TMEM200A: variants seen among roughly 807,000 people sequenced by gnomAD.
The protein encoded by TMEM200A is two transmembrane C.
TMEM200A carries 12 observed loss-of-function variants against 24.3 expected under a neutral mutation model. That is an observed-to-expected ratio of 0.49 (90% confidence interval 0.32 to 0.80). TMEM200A has a LOEUF of 0.80. TMEM200A is among the 30% of genes least tolerant of loss of function. The pLI is 0.04. For missense variants in TMEM200A, 545 were observed against 614.4 expected, an observed-to-expected ratio of 0.89 and a Z score of 1.19; for synonymous variants, 224 against 224.4, an observed-to-expected ratio of 1.00 and a Z score of 0.02.
intron 2 of TMEM200A, among the ~76,000 whole-genome samples, chr6:130,414,031 A>G (rs1177080190): frequency 6.6e-6 from 1 of 152,210 alleles, no homozygotes; most frequent in African/African-American, 2.4e-5. Flanking sequence ...CTCTTTGGCA[A>G]TATGGAATAA....
chr6:130,421,371 C>T (rs1779582195), intron 2 of TMEM200A: 1 of 152,066 alleles, frequency 6.6e-6, no homozygotes, highest in Non-Finnish European at 1.5e-5. Flanking sequence ...ACTGGTTTTA[C>T]TTAGATTTTT....
intron 2 of TMEM200A, chr6:130,438,652 G>A (rs1266851171): frequency 6.6e-6 from 1 of 152,152 alleles, no homozygotes; most frequent in Non-Finnish European, 1.5e-5. Context: ...AAGAGAATTT[G>A]TCCCTCATTC....
rs936130515 is a variant in TMEM200A, at chr6:130,366,287, C to T, written c.-318C>T. ...CGCCCCCACCCTCCGTCCGCTTGCA[C>T]CCCTTGCCACCCGCCCCCTCGCCTG... On this transcript the variant is annotated 5_prime_UTR_variant, in exon 1 of 3. Transcript: ENST00000296978. The surrounding 1 kb of genome is among the most constrained non-coding windows in gnomAD (Gnocchi z 4.4). The T allele has an allele frequency of 5.1e-5, 50 of 985,134 alleles. 1 individual carries two copies. The highest frequency in any genetic ancestry group is 2.8e-4 in the South Asian group (6 of 21,280). The allele number at this position is 985,134 out of a possible 1,614,324, so 61.0% of individuals were successfully genotyped here.
At chr6:130,376,163 A>T (rs1210524624) in intron 1 of TMEM200A, among the ~76,000 whole-genome samples, 1 of 152,170 alleles carries the variant, frequency 6.6e-6, no homozygotes, top group Non-Finnish European at 1.5e-5. Flanking sequence ...TGCGGAATTA[A>T]CCATGTGGAA....
intron 1 of TMEM200A, among the ~76,000 whole-genome samples, chr6:130,373,642 T>C (rs1404711711): frequency 2.0e-5 from 3 of 152,256 alleles, no homozygotes; most frequent in African/African-American, 7.2e-5. Flanking sequence ...GATGAATCTT[T>C]CTTCAAATTT....
chr6:130,384,785 A>G (rs1201566859), intron 1 of TMEM200A, among the ~76,000 whole-genome samples: 1 of 152,252 alleles, frequency 6.6e-6, no homozygotes, highest in African/African-American at 2.4e-5. Flanking sequence ...AAATCACATT[A>G]CAATGAACTG....
At chr6:130,382,262 G>A (rs1363875083) in intron 1 of TMEM200A, among the ~76,000 whole-genome samples, 1 of 152,160 alleles carries the variant, frequency 6.6e-6, no homozygotes, top group Non-Finnish European at 1.5e-5. Flanking sequence ...ACAGTGTGTG[G>A]CACAAAGTGG....
intron 2 of TMEM200A, among the ~76,000 whole-genome samples, chr6:130,389,482 T>A (rs890270552): frequency 4.6e-5 from 7 of 151,018 alleles, no homozygotes; most frequent in Admixed American, 4.6e-4. Context: ...ATAAAGTTAA[T>A]ATGTATTCTA....
At chr6:130,402,499 A>G (rs1043100124) in intron 2 of TMEM200A, among the ~76,000 whole-genome samples, 1 of 152,096 alleles carries the variant, frequency 6.6e-6, no homozygotes. Context: ...TCAAGATTCC[A>G]TAATTTGTCT....
At chr6:130,392,063 A>G (rs1778847165) in intron 2 of TMEM200A, among the ~76,000 whole-genome samples, 1 of 152,058 alleles carries the variant, frequency 6.6e-6, no homozygotes, top group Non-Finnish European at 1.5e-5. Context: ...ATCCCAGGGA[A>G]TGGTGTAGGG....
intron 1 of TMEM200A, chr6:130,381,963 C>A: frequency 3.0e-6 from 3 of 985,392 alleles, no homozygotes; most frequent in Non-Finnish European, 3.6e-6. Context: ...TGCCATCTGG[C>A]TGCCTTGCTG....
At chr6:130,440,369 A>G in intron 2 of TMEM200A, 38 bp from the exon 3 acceptor site, 1 of 1,498,180 alleles carries the variant, frequency 6.7e-7, no homozygotes, top group Non-Finnish European at 8.9e-7. Flanking sequence ...CCAGGAACAT[A>G]TTTACATCAT....
intron 2 of TMEM200A, among the ~76,000 whole-genome samples, chr6:130,429,381 G>A (rs1203220613): frequency 6.6e-6 from 1 of 152,142 alleles, no homozygotes; most frequent in Non-Finnish European, 1.5e-5. Flanking sequence ...AATTAGCCAG[G>A]CATGGTGTCA....
chr6:130,386,090 T>G (rs1426631046), intron 2 of TMEM200A, among the ~76,000 whole-genome samples: 2 of 152,200 alleles, frequency 1.3e-5, no homozygotes, highest in African/African-American at 4.8e-5. Context: ...AACATTCAGT[T>G]TTGGGAGAAA....
chr6:130,416,774 A>G (rs1241681856), intron 2 of TMEM200A, among the ~76,000 whole-genome samples: 1 of 152,108 alleles, frequency 6.6e-6, no homozygotes, highest in Admixed American at 6.6e-5. Flanking sequence ...GCTAGAAGAG[A>G]TCATCATGGT....
Position 130,440,894 on chromosome 6 carries a change from A to G in TMEM200A, c.472A>G (p.Ile158Val), listed in dbSNP as rs1243577556. The change falls in exon 3 of 3, where the codon ATA becomes GTA. Residue 158 changes from isoleucine to valine, a missense_variant. Ile to Val is a conservative substitution (Grantham distance 29). Transcript: ENST00000296978. ...HENRDKETKI[I>V]HMRDIYSTVI... ...AAACCGTGACAAAGAGACCAAAATC[A>G]TACACATGAGGGATATCTATTCCAC... 6 of 1,614,106 alleles carry G rather than the reference A, an allele frequency of 3.7e-6. No individual in the cohort carries two copies. The highest frequency in any genetic ancestry group is 2.2e-5 in the East Asian group (1 of 44,844).
At position 130,400,749 on chromosome 6, in the gene TMEM200A, A is replaced by T. The variant is rs192627700; in HGVS notation, c.-17+15513A>T. On this transcript the variant is annotated intron_variant, in intron 2 of 2. Coordinates refer to ENST00000296978, the MANE Select transcript of TMEM200A (RefSeq NM_001258277.2). ...ACACTTGGAGCTTTAGGCAAAGATA[A>T]GCTTCCTTATTGTTTCACTGAGCCA... Among the ~76,000 whole-genome samples the T allele has an allele frequency of 2.0e-4, 30 of 152,048 alleles. No homozygotes were observed. The East Asian group carries it at 5.0e-3, about 26-fold the overall frequency.
intron 2 of TMEM200A, among the ~76,000 whole-genome samples, chr6:130,398,933 G>A (rs1256480253): frequency 6.6e-6 from 1 of 151,724 alleles, no homozygotes; most frequent in Non-Finnish European, 1.5e-5. Context: ...TTCTACTAAA[G>A]TCTATCCTTT....
At chr6:130,407,094 T>C (rs1011595699) in intron 2 of TMEM200A, among the ~76,000 whole-genome samples, 1 of 152,254 alleles carries the variant, frequency 6.6e-6, no homozygotes, top group Admixed American at 6.5e-5. Context: ...CATTACATAA[T>C]GTGAAAGGCG....
Sources: gnomAD v4.1 joint callset for allele counts (sites outside exome capture counted in the v4.1 genomes callset) on GRCh38, gnomAD v4.1.1 for gene constraint, Gnocchi (gnomAD v3.1) non-coding constraint, MANE v1.5 for transcripts, NCBI Gene and HGNC (gene_info 2026-07-23, HGNC 2026-07-21) for gene names.